BAG4: variants seen among roughly 807,000 people sequenced by gnomAD.
The protein encoded by BAG4 is BAG cochaperone 4.
BAG4 carries 28 observed loss-of-function variants against 52.1 expected under a neutral mutation model. The observed-to-expected ratio is 0.54, with a 90% CI of 0.40 to 0.74. The LOEUF (loss-of-function observed/expected upper bound fraction) is 0.74, where lower values mean the gene tolerates loss of function less well. Ranked by LOEUF, BAG4 falls within the 30% of genes least tolerant of loss-of-function variation. The pLI, the probability that BAG4 is intolerant of heterozygous loss-of-function variation, is 0.00. For synonymous variants in BAG4, 208 were observed against 217.0 expected (o/e 0.96, Z 0.37); for missense variants, 525 against 572.0 (o/e 0.92, Z 0.84).
intron 2 of BAG4, among the ~76,000 whole-genome samples, chr8:38,206,347 G>T (rs1257935917): frequency 3.3e-5 from 5 of 151,416 alleles, no homozygotes; most frequent in Non-Finnish European, 7.4e-5. Context: ...GAGCCTGTGC[G>T]CCTGCCTAGC....
At chr8:38,204,609 A>G (rs1803737210) in intron 2 of BAG4, among the ~76,000 whole-genome samples, 1 of 151,784 alleles carries the variant, frequency 6.6e-6, no homozygotes, top group African/African-American at 2.4e-5. Context: ...CTGGCAACAT[A>G]GCGTGACCTC....
At chr8:38,198,096 T>C (rs895275459) in intron 2 of BAG4, among the ~76,000 whole-genome samples, 1 of 152,006 alleles carries the variant, frequency 6.6e-6, no homozygotes, top group Non-Finnish European at 1.5e-5. Flanking sequence ...CAAAAATGTT[T>C]CCTTGGGGCC....
intron 1 of BAG4, among the ~76,000 whole-genome samples, chr8:38,188,351 C>T (rs1803403358): frequency 6.7e-6 from 1 of 149,626 alleles, no homozygotes; most frequent in South Asian, 2.1e-4. Context: ...CTAAAGGTGG[C>T]ACACTTAAGG....
At chr8:38,198,528 G>A (rs1379610592) in intron 2 of BAG4, among the ~76,000 whole-genome samples, 7 of 132,828 alleles carry the variant, frequency 5.3e-5, no homozygotes, top group South Asian at 2.4e-4. Flanking sequence ...TCACTCTGTC[G>A]CCCAGGCTGC....
intron 2 of BAG4, among the ~76,000 whole-genome samples, chr8:38,203,338 C>T (rs1469317434): frequency 6.7e-6 from 1 of 148,884 alleles, no homozygotes; most frequent in Non-Finnish European, 1.5e-5. Flanking sequence ...GCTGGAGTGC[C>T]ATGGCACGAT....
intron 2 of BAG4, among the ~76,000 whole-genome samples, chr8:38,199,144 G>A (rs1257381508): frequency 6.6e-6 from 1 of 152,146 alleles, no homozygotes; most frequent in Non-Finnish European, 1.5e-5. Context: ...ATATACAACT[G>A]GCACACAGCA....
chr8:38,187,866 CAAAAAAA>C (rs35690753), intron 1 of BAG4, among the ~76,000 whole-genome samples: 41 of 56,112 alleles, frequency 7.3e-4, no homozygotes, highest in Middle Eastern at 9.1e-3. Context: ...ACTAAAAATA[CAAAAAAA>C]AAAAAAAAAA....
At chr8:38,196,960 C>T (rs982064577) in intron 2 of BAG4, among the ~76,000 whole-genome samples, 5 of 151,886 alleles carry the variant, frequency 3.3e-5, no homozygotes, top group Non-Finnish European at 7.4e-5. Context: ...GCTTGTAATC[C>T]CAGCTACTTG....
chr8:38,206,086 G>A (rs376048344), intron 2 of BAG4, among the ~76,000 whole-genome samples: 2 of 151,018 alleles, frequency 1.3e-5, no homozygotes, highest in Non-Finnish European at 3.0e-5. Flanking sequence ...TCAGGAGTTC[G>A]AGACCAGCCT....
At chr8:38,206,142 T>C (rs1160856644) in intron 2 of BAG4, among the ~76,000 whole-genome samples, 1 of 150,150 alleles carries the variant, frequency 6.7e-6, no homozygotes, top group East Asian at 2.0e-4. Flanking sequence ...ACAAAAATTA[T>C]AGCATGCCTG....
chr8:38,188,960 AT>A (rs200005875), intron 1 of BAG4, among the ~76,000 whole-genome samples: 33,322 of 132,510 alleles, frequency 0.25, 3,848 homozygotes, highest in East Asian at 0.31. Context: ...TGCCCGGCTA[AT>A]TTTTTTTTTT....
At chr8:38,202,539 G>A (rs1313559709) in intron 2 of BAG4, among the ~76,000 whole-genome samples, 5 of 151,244 alleles carry the variant, frequency 3.3e-5, no homozygotes, top group Admixed American at 3.3e-4. Flanking sequence ...TTACAGGCAT[G>A]AGCCACTGTG....
intron 1 of BAG4, among the ~76,000 whole-genome samples, chr8:38,178,320 A>T (rs747889870): frequency 6.6e-6 from 1 of 152,064 alleles, no homozygotes; most frequent in African/African-American, 2.4e-5. Flanking sequence ...ACACCCGGCT[A>T]ATTTTTGTAT....
At chr8:38,190,997 A>T (rs533785929) in intron 1 of BAG4, among the ~76,000 whole-genome samples, 1 of 152,172 alleles carries the variant, frequency 6.6e-6, no homozygotes, top group South Asian at 2.1e-4. Flanking sequence ...ACCTCAGGTG[A>T]TCCACCCGCG....
At chr8:38,196,641 ACT>A (rs566922186) in intron 2 of BAG4, among the ~76,000 whole-genome samples, 2 of 151,356 alleles carry the variant, frequency 1.3e-5, no homozygotes, top group South Asian at 2.1e-4. Context: ...ACAGAGCGAG[ACT>A]CTGTCTCAAA....
chr8:38,177,169 G>A lies in BAG4; in HGVS notation c.270+30G>A, dbSNP rs753220569. 7 of 1,607,386 alleles carry A rather than the reference G, an allele frequency of 4.4e-6. No individual in the cohort carries two copies. The Admixed American group carries it at 1.0e-4, about 24-fold the overall frequency. On this transcript the variant is annotated intron_variant, in intron 1 of 4. Transcript: ENST00000287322. ...GCTTTGCACCCTCTGTCCTTGCGGG[G>A]AGGTGAGGGCCCTTGGGGCTGGGGT...
At chr8:38,186,113 C>T (rs914461437) in intron 1 of BAG4, among the ~76,000 whole-genome samples, 2 of 152,098 alleles carry the variant, frequency 1.3e-5, no homozygotes, top group Non-Finnish European at 2.9e-5. Flanking sequence ...AGATGCCTGT[C>T]ACTGAGGCAA....
chr8:38,188,439 G>T (rs1803404916), intron 1 of BAG4, among the ~76,000 whole-genome samples: 1 of 151,786 alleles, frequency 6.6e-6, no homozygotes, highest in African/African-American at 2.4e-5. Context: ...AAATGTTTGA[G>T]GTGTCAGATA....
intron 2 of BAG4, among the ~76,000 whole-genome samples, chr8:38,194,615 C>T (rs1412048671): frequency 2.0e-5 from 3 of 150,594 alleles, no homozygotes; most frequent in Non-Finnish European, 3.0e-5. Context: ...GGGGTTTCAC[C>T]GTGTTGGCCA....
Sources: gnomAD v4.1 joint callset for allele counts (sites outside exome capture counted in the v4.1 genomes callset) on GRCh38, gnomAD v4.1.1 for gene constraint, MANE v1.5 for transcripts, NCBI Gene and HGNC (gene_info 2026-07-23, HGNC 2026-07-21) for gene names.